NT5C2: variants seen among roughly 807,000 people sequenced by gnomAD.
NT5C2 encodes cytosolic purine 5'-nucleotidase.
In NT5C2, 58 loss-of-function variants were observed where a neutral mutation model predicts 76.1. That is an observed-to-expected ratio of 0.76 (90% CI 0.62 to 0.95). NT5C2 has a LOEUF of 0.95. Ranked by LOEUF, NT5C2 falls within the 40% of genes least tolerant of loss-of-function variation. NT5C2 has a pLI of 0.00. For missense variants in NT5C2, 478 were observed against 690.3 expected, an observed-to-expected ratio of 0.69 and a Z score of 3.45; for synonymous variants, 229 against 237.4, an observed-to-expected ratio of 0.96 and a Z score of 0.32.
intron 6 of NT5C2, among the ~76,000 whole-genome samples, chr10:103,103,096 A>G (rs1310804828): frequency 4.6e-5 from 7 of 152,370 alleles, no homozygotes; most frequent in African/African-American, 1.7e-4. Context: ...AAATACTAAA[A>G]TATAAAAATG....
At chr10:103,124,048 A>G (rs2076215851) in intron 4 of NT5C2, among the ~76,000 whole-genome samples, 1 of 152,108 alleles carries the variant, frequency 6.6e-6, no homozygotes, top group African/African-American at 2.4e-5. Context: ...GAAATTTAAT[A>G]ATTCTACATG....
chr10:103,093,027 C>T, intron 15 of NT5C2, 112 bp downstream of exon 15: 1 of 804,006 alleles, frequency 1.2e-6, no homozygotes, highest in East Asian at 3.0e-5. Flanking sequence ...TCAAGGCCTG[C>T]CTTTTGACCA....
chr10:103,089,479 C>T lies in NT5C2; in HGVS notation c.*193G>A. 1.1e-6 allele frequency: 1 copy of T among 934,818 alleles called. No homozygotes were observed. The highest frequency in any genetic ancestry group is 1.5e-6 in the Non-Finnish European group (1 of 678,316). 57.9% of individuals were successfully genotyped at this position (934,818 alleles called of 1,614,324 possible). On this transcript the variant is annotated 3_prime_UTR_variant, in exon 19 of 19. Transcript: ENST00000404739. ...ATACAGACTCCATTACAATTTTGGA[C>T]CATCTGCAGAGAGTACAGATACACA...
In NT5C2 at chr10:103,162,305, C is replaced by T. The variant is rs561341238; in HGVS notation, c.101+12553G>A. On this transcript the variant is annotated intron_variant, in intron 3 of 18. Transcript: ENST00000404739. Reference sequence around the variant, plus strand: ...CTAGGATTATAGGCATGAGCCACCACGCCCCACTGAAGCTGCTATTTTTTA... The same window carrying T: ...CTAGGATTATAGGCATGAGCCACCATGCCCCACTGAAGCTGCTATTTTTTA... 2.4e-3 allele frequency among the ~76,000 whole-genome samples: 367 copies of T among 152,178 alleles called. 2 individuals are homozygous for T. The highest frequency in any genetic ancestry group is 8.3e-3 in the African/African-American group (343 of 41,520).
chr10:103,179,137 C>T (rs543879187), intron 2 of NT5C2, among the ~76,000 whole-genome samples: 9 of 150,424 alleles, frequency 6.0e-5, no homozygotes, highest in African/African-American at 9.7e-5. Flanking sequence ...TTAGTACAGA[C>T]GGAGTTTCAC....
intron 4 of NT5C2, among the ~76,000 whole-genome samples, chr10:103,113,750 T>G (rs571025034): frequency 6.6e-6 from 1 of 152,192 alleles, no homozygotes; most frequent in Non-Finnish European, 1.5e-5. Context: ...TAAGAAAGTA[T>G]AGAGAGACAA....
intron 4 of NT5C2, among the ~76,000 whole-genome samples, chr10:103,109,392 C>T (rs2072324090): frequency 6.6e-6 from 1 of 152,180 alleles, no homozygotes; most frequent in Non-Finnish European, 1.5e-5. Context: ...TAACCACTCT[C>T]ACCTTACCCT....
intron 4 of NT5C2, among the ~76,000 whole-genome samples, chr10:103,113,496 A>T (rs77055135): frequency 1.5e-4 from 18 of 123,806 alleles, no homozygotes; most frequent in South Asian, 3.1e-4. Flanking sequence ...AATAGCTAAT[A>T]TTTTTTTTTT....
chr10:103,092,905 C>G (rs1171964415), intron 15 of NT5C2, among the ~76,000 whole-genome samples: 1 of 151,860 alleles, frequency 6.6e-6, no homozygotes, highest in Non-Finnish European at 1.5e-5. Context: ...ACATTCTAAA[C>G]TTAACCTCGA....
Position 103,090,974 on chromosome 10 carries a change from C to A in NT5C2, c.1234G>T (p.Glu412Ter). 6.2e-7 allele frequency: 1 copy of A among 1,613,852 alleles called. No homozygotes were observed. Among genetic ancestry groups the A allele is most frequent in the Non-Finnish European group, 8.5e-7 (1 of 1,179,956 alleles). ...LYKHLDSSSN[E>*]RPDISSIQRR... Reference sequence around the variant, plus strand: ...TGGATGGAACTGATGTCTGGACGCTCATTGCTACTGCTGTCAAGATGCCTA... The same window carrying A: ...TGGATGGAACTGATGTCTGGACGCTAATTGCTACTGCTGTCAAGATGCCTA... Residue 412 changes from glutamate (E) to a stop codon, truncating the protein, a stop_gained, in exon 17 of 19, where the codon GAG becomes TAG. Coordinates refer to ENST00000404739, the MANE Select transcript of NT5C2 (RefSeq NM_001351169.2). LOFTEE classifies it high-confidence loss of function.
intron 1 of NT5C2, among the ~76,000 whole-genome samples, chr10:103,188,955 T>C (rs7075552): frequency 0.31 from 46,937 of 150,998 alleles, 7,409 homozygotes; most frequent in Middle Eastern, 0.36. Context: ...GAGGTTGCAG[T>C]GAGCTGAGAT....
At chr10:103,163,327 A>G (rs2085403037) in intron 3 of NT5C2, among the ~76,000 whole-genome samples, 1 of 152,194 alleles carries the variant, frequency 6.6e-6, no homozygotes, top group South Asian at 2.1e-4. Context: ...ATTAATGTTA[A>G]GGTCTCTAAC....
chr10:103,120,550 G>A (rs955307625), intron 4 of NT5C2, among the ~76,000 whole-genome samples: 2 of 152,148 alleles, frequency 1.3e-5, no homozygotes, highest in Admixed American at 1.3e-4. Context: ...CCAGCCATTA[G>A]AGAAACATGA....
At chr10:103,186,828 G>C (rs2092074720) in intron 1 of NT5C2, among the ~76,000 whole-genome samples, 1 of 150,684 alleles carries the variant, frequency 6.6e-6, no homozygotes, top group South Asian at 2.1e-4. Context: ...CAGAGGAACA[G>C]CTTGAACCCG....
chr10:103,190,546 A>T (rs954917372), intron 1 of NT5C2, among the ~76,000 whole-genome samples: 2 of 152,188 alleles, frequency 1.3e-5, no homozygotes, highest in East Asian at 3.8e-4. Context: ...TTTAATCCAC[A>T]TAACTCTGTA....
chr10:103,133,298 G>A (rs1234951157), intron 4 of NT5C2, among the ~76,000 whole-genome samples: 1 of 151,516 alleles, frequency 6.6e-6, no homozygotes, highest in East Asian at 1.9e-4. Flanking sequence ...ATGGAGTTTT[G>A]CTCTTTTTGC....
intron 13 of NT5C2, 68 bp downstream of exon 13, chr10:103,094,280 G>T: frequency 9.4e-7 from 1 of 1,064,342 alleles, no homozygotes; most frequent in Non-Finnish European, 1.5e-6. Flanking sequence ...CTTATGTAGA[G>T]TAAGAGTGGG....
chr10:103,189,996 T>G (rs1256674991), intron 1 of NT5C2, among the ~76,000 whole-genome samples: 10 of 124,012 alleles, frequency 8.1e-5, no homozygotes, highest in African/African-American at 3.1e-4. Flanking sequence ...TTTGTGGCTT[T>G]CTTTTTTTTT....
chr10:103,163,884 AC>A (rs902635379), intron 3 of NT5C2, among the ~76,000 whole-genome samples: 3 of 144,992 alleles, frequency 2.1e-5, no homozygotes, highest in African/African-American at 7.6e-5. Context: ...AAAAAAAAAA[AC>A]CTGGTGGCAC....
Sources: gnomAD v4.1 joint callset for allele counts (sites outside exome capture counted in the v4.1 genomes callset) on GRCh38, gnomAD v4.1.1 for gene constraint, MANE v1.5 for transcripts, NCBI Gene and HGNC (gene_info 2026-07-23, HGNC 2026-07-21) for gene names.